Variants in VPS35L observed in about 807,000 individuals in gnomAD.
VPS35L encodes the protein VPS35 endosomal protein-sorting factor-like.
In VPS35L, 83 loss-of-function variants were observed where a neutral mutation model predicts 133.0. The ratio of observed to expected loss-of-function variants is 0.62; its 90% CI spans 0.52 to 0.75. VPS35L has a LOEUF of 0.75. Ranked by LOEUF, VPS35L falls within the 30% of genes least tolerant of loss-of-function variation. The probability of loss-of-function intolerance (pLI) is 0.00; values close to 1 mark genes in which losing one functional copy is unlikely to be tolerated. For missense variants in VPS35L, 1,083 were observed against 1,206.8 expected, an observed-to-expected ratio of 0.90 and a Z score of 1.52; for synonymous variants, 423 against 449.9, an observed-to-expected ratio of 0.94 and a Z score of 0.76.
intron 26 of VPS35L, among the ~76,000 whole-genome samples, chr16:19,666,967 C>CTTTT (rs1567470632): frequency 7.9e-6 from 1 of 126,616 alleles, no homozygotes; most frequent in African/African-American, 3.1e-5. Flanking sequence ...TTCCTTTCTT[C>CTTTT]CTTTCTTCCT....
chr16:19,622,140 C>CTTTTTTTTTTTT (rs60521137), intron 14 of VPS35L, among the ~76,000 whole-genome samples: 31 of 107,912 alleles, frequency 2.9e-4, no homozygotes, highest in East Asian at 9.9e-4. Context: ...CCATGTATAT[C>CTTTTTTTTTTTT]TTTTTTTTTT....
At chr16:19,589,600 AG>A (rs1289999358) in intron 7 of VPS35L, among the ~76,000 whole-genome samples, 1 of 152,260 alleles carries the variant, frequency 6.6e-6, no homozygotes, top group African/African-American at 2.4e-5. Context: ...AGACAAGTTT[AG>A]GAAGCGGCAC....
intron 26 of VPS35L, among the ~76,000 whole-genome samples, chr16:19,654,336 CT>C (rs1238995938): frequency 6.6e-6 from 1 of 151,888 alleles, no homozygotes; most frequent in Non-Finnish European, 1.5e-5. Context: ...CTGATACCCC[CT>C]CTCCCCACTA....
At chr16:19,690,862 C>G (rs1975646088) in intron 28 of VPS35L, among the ~76,000 whole-genome samples, 1 of 152,044 alleles carries the variant, frequency 6.6e-6, no homozygotes, top group South Asian at 2.1e-4. Context: ...ACTCAAGAGG[C>G]TGAGGCAGGA....
chr16:19,619,509 C>T (rs1035930862), intron 14 of VPS35L, among the ~76,000 whole-genome samples: 1 of 152,048 alleles, frequency 6.6e-6, no homozygotes, highest in Non-Finnish European at 1.5e-5. Context: ...TCTTGGTATT[C>T]CACTGAACGA....
rs564274925 is a variant in VPS35L at position 19,656,967 on chromosome 16, T to G, written c.2221+4877T>G. On this transcript the variant is annotated intron_variant, in intron 26 of 30. Transcript: ENST00000417362. The stretch of plus-strand genomic sequence containing the variant: ...GATAGTGGTCAAAAGAACTTGTTTT[T>G]TTTTTTTTTTTTTTTTGAGGCAGAG... Among the ~76,000 whole-genome samples the G allele has an allele frequency of 1.1e-3, 162 of 147,414 alleles. 1 individual carries two copies. The highest frequency in any genetic ancestry group is 3.4e-3 in the Middle Eastern group (1 of 292).
intron 1 of VPS35L, among the ~76,000 whole-genome samples, chr16:19,564,458 G>T (rs1304511386): frequency 1.3e-5 from 2 of 152,050 alleles, no homozygotes; most frequent in African/African-American, 4.8e-5. Context: ...GAGTGGAGTG[G>T]TGTGATCTCA....
chr16:19,629,126 C>A (rs1196891041), intron 17 of VPS35L, among the ~76,000 whole-genome samples: 1 of 152,106 alleles, frequency 6.6e-6, no homozygotes, highest in African/African-American at 2.4e-5. Flanking sequence ...TTGGCATCTG[C>A]TCTTTTAAAA....
intron 7 of VPS35L, among the ~76,000 whole-genome samples, chr16:19,584,019 G>A (rs192548198): frequency 1.4e-3 from 218 of 152,234 alleles, no homozygotes; most frequent in African/African-American, 5.1e-3. Context: ...GGTCATTCGT[G>A]TTGCTGTGAA....
chr16:19,680,362 C>A (rs1975226261), intron 27 of VPS35L, among the ~76,000 whole-genome samples: 1 of 152,176 alleles, frequency 6.6e-6, no homozygotes, highest in Non-Finnish European at 1.5e-5. Flanking sequence ...GTCCCAGGAG[C>A]CAGAGACAGG....
intron 14 of VPS35L, among the ~76,000 whole-genome samples, chr16:19,621,194 T>C (rs1010084287): frequency 3.3e-5 from 5 of 152,164 alleles, no homozygotes; most frequent in African/African-American, 1.2e-4. Context: ...AGTATCCCAT[T>C]GTGTAAAAAC....
At chr16:19,667,355 T>C (rs1052087685) in intron 26 of VPS35L, among the ~76,000 whole-genome samples, 1 of 152,138 alleles carries the variant, frequency 6.6e-6, no homozygotes, top group Non-Finnish European at 1.5e-5. Context: ...ATCAGGTGGC[T>C]TTTCCTCAAG....
Position 19,610,484 on chromosome 16 carries a change from C to T in VPS35L, c.1023+69C>T, listed in dbSNP as rs1207218034. The T allele has an allele frequency of 3.7e-5, 45 of 1,200,562 alleles. 1 individual carries two copies. The highest frequency in any genetic ancestry group is 4.7e-4 in the Middle Eastern group (2 of 4,294). The allele number at this position is 1,200,562 out of a possible 1,614,324, so 74.4% of individuals were successfully genotyped here. A position where few individuals can be genotyped will look rare whatever the true frequency, so the allele number is the denominator to read the frequency against. On this transcript the variant is annotated intron_variant, in intron 12 of 30. Coordinates refer to ENST00000417362, the MANE Select transcript of VPS35L (RefSeq NM_020314.7). ...CGTCTCCTTGAATGTTCACACAGGG[C>T]CCTCCTTCCCCACCACCCCGCAAGT... is the stretch of plus-strand genomic sequence containing the variant.
At chr16:19,561,325 C>T (rs1216753547) in intron 1 of VPS35L, among the ~76,000 whole-genome samples, 23 of 152,084 alleles carry the variant, frequency 1.5e-4, no homozygotes, top group South Asian at 6.2e-4. Context: ...GAGCGGAGAT[C>T]GCGCCACTGC....
intron 21 of VPS35L, 120 bp downstream of exon 21, chr16:19,640,220 C>A: frequency 1.2e-6 from 1 of 845,744 alleles, no homozygotes; most frequent in Non-Finnish European, 1.8e-6. Context: ...ATACAGAAAA[C>A]CACACTGGAA....
At chr16:19,597,271 A>T (rs9928878) in intron 8 of VPS35L, among the ~76,000 whole-genome samples, 3,870 of 152,068 alleles carry the variant, frequency 0.025, 175 homozygotes, top group African/African-American at 0.089. Context: ...CTTAGGAGGC[A>T]GAGGCAGGCA....
At chr16:19,659,233 A>G (rs946618170) in intron 26 of VPS35L, among the ~76,000 whole-genome samples, 1 of 152,198 alleles carries the variant, frequency 6.6e-6, no homozygotes, top group African/African-American at 2.4e-5. Context: ...GAGCTACTGC[A>G]TGGATGAGAG....
chr16:19,580,962 C>T (rs1453172560), intron 6 of VPS35L, among the ~76,000 whole-genome samples: 2 of 152,228 alleles, frequency 1.3e-5, no homozygotes, highest in East Asian at 3.9e-4. Flanking sequence ...GCGCTTTTTT[C>T]AATGGGCACC....
chr16:19,664,358 C>T lies in VPS35L; in HGVS notation c.2222-4802C>T, dbSNP rs1234691715. On this transcript the variant is annotated intron_variant, in intron 26 of 30. Transcript: ENST00000417362. ...GTGGCTGTCTGTGTTTGCTCTCTGC[C>T]CAGCAGAGAGCAGTGCCGTGAGATG... Among the ~76,000 whole-genome samples the T allele has an allele frequency of 2.0e-5, 3 of 151,698 alleles. No homozygotes were observed. In the East Asian group the frequency reaches 5.8e-4, roughly 30 times the overall value.
Sources: gnomAD v4.1 joint callset for allele counts (sites outside exome capture counted in the v4.1 genomes callset) on GRCh38, gnomAD v4.1.1 for gene constraint, MANE v1.5 for transcripts, NCBI Gene and HGNC (gene_info 2026-07-23, HGNC 2026-07-21) for gene names.